DSCAM: variants seen among roughly 807,000 people sequenced by gnomAD.
The protein encoded by DSCAM is cell adhesion molecule DSCAM.
DSCAM carries 47 observed loss-of-function variants against 217.7 expected under a neutral mutation model. The ratio of observed to expected loss-of-function variants is 0.22; its 90% confidence interval spans 0.17 to 0.28. The LOEUF (loss-of-function observed/expected upper bound fraction) is 0.28. Among genes scored for constraint, DSCAM ranks in the 10% least tolerant of loss-of-function variants. DSCAM has a pLI of 1.00. For synonymous variants in DSCAM, 1,056 were observed against 1,015.3 expected, an observed-to-expected ratio of 1.04 and a Z score of -0.76; for missense variants, 2,080 against 2,618.3, an observed-to-expected ratio of 0.79 and a Z score of 4.49.
chr21:40,293,850 A>G (rs2073923737), intron 10 of DSCAM, among the ~76,000 whole-genome samples: 1 of 152,112 alleles, frequency 6.6e-6, no homozygotes, highest in Non-Finnish European at 1.5e-5. Context: ...CATATTAAGC[A>G]CCATATTTGT....
chr21:40,714,722 C>G (rs1320860979), intron 1 of DSCAM, among the ~76,000 whole-genome samples: 1 of 152,168 alleles, frequency 6.6e-6, no homozygotes, highest in Non-Finnish European at 1.5e-5. Context: ...AGACTTTGGA[C>G]TTTCAAACTG....
chr21:40,778,401 G>A (rs1210147357), intron 1 of DSCAM, among the ~76,000 whole-genome samples: 4 of 152,120 alleles, frequency 2.6e-5, no homozygotes, highest in South Asian at 2.1e-4. Context: ...CCCAGCCACC[G>A]TGCCTGGCCC....
chr21:40,276,381 A>G (rs1203797487), intron 10 of DSCAM, 111 bp from the exon 11 acceptor site: 6 of 931,180 alleles, frequency 6.4e-6, no homozygotes, highest in Non-Finnish European at 8.8e-6. Flanking sequence ...CTGATCCCAT[A>G]AGGCAGTCAC....
At chr21:40,640,589 T>TG (rs933099395) in intron 3 of DSCAM, among the ~76,000 whole-genome samples, 3 of 152,180 alleles carry the variant, frequency 2.0e-5, no homozygotes, top group Non-Finnish European at 4.4e-5. Flanking sequence ...CGATGACTGA[T>TG]GTGTGTATAA....
chr21:40,461,407 C>T (rs1241025392), intron 3 of DSCAM, among the ~76,000 whole-genome samples: 2 of 152,172 alleles, frequency 1.3e-5, no homozygotes, highest in Admixed American at 6.5e-5. Flanking sequence ...CAGTAGGTAG[C>T]CCTGCCACAA....
At chr21:40,273,640 TTC>T (rs2073648703) in intron 11 of DSCAM, among the ~76,000 whole-genome samples, 1 of 152,190 alleles carries the variant, frequency 6.6e-6, no homozygotes, top group Admixed American at 6.5e-5. Context: ...GTTCCGTAGT[TTC>T]TTAGTCAACT....
At chr21:40,728,155 T>C (rs1324303849) in intron 1 of DSCAM, among the ~76,000 whole-genome samples, 1 of 152,158 alleles carries the variant, frequency 6.6e-6, no homozygotes, top group African/African-American at 2.4e-5. Context: ...GTGCACTCGA[T>C]CATTTACCTA....
chr21:40,228,467 A>AG (rs2091352932), intron 11 of DSCAM, among the ~76,000 whole-genome samples: 2 of 152,166 alleles, frequency 1.3e-5, no homozygotes, highest in Non-Finnish European at 2.9e-5. Flanking sequence ...TACACTTATC[A>AG]GGGTGTATTT....
chr21:40,420,171 T>C (rs1327753062), intron 3 of DSCAM, among the ~76,000 whole-genome samples: 2 of 152,136 alleles, frequency 1.3e-5, no homozygotes, highest in Admixed American at 6.6e-5. Context: ...ATAATCACAA[T>C]GTAACACTGG....
chr21:40,128,494 G>T (rs2090119529), intron 19 of DSCAM, among the ~76,000 whole-genome samples: 1 of 151,964 alleles, frequency 6.6e-6, no homozygotes, highest in South Asian at 2.1e-4. Context: ...TAATGAAAAG[G>T]AAAGTTTCCT....
At chr21:40,506,061 C>CT (rs1206519659) in intron 3 of DSCAM, among the ~76,000 whole-genome samples, 1 of 152,156 alleles carries the variant, frequency 6.6e-6, no homozygotes, top group Non-Finnish European at 1.5e-5. Flanking sequence ...CTGACTTGTG[C>CT]TTTTTTCCAG....
At chr21:40,809,766 A>T (rs1480933567) in intron 1 of DSCAM, among the ~76,000 whole-genome samples, 1 of 152,208 alleles carries the variant, frequency 6.6e-6, no homozygotes, top group Non-Finnish European at 1.5e-5. Flanking sequence ...TCTAGTGGGC[A>T]GGTGCATTTC....
At chr21:40,213,947 A>G (rs1404762341) in intron 11 of DSCAM, among the ~76,000 whole-genome samples, 1 of 152,236 alleles carries the variant, frequency 6.6e-6, no homozygotes, top group South Asian at 2.1e-4. Context: ...TGGCCCAGCC[A>G]TTTGGAGTCC....
intron 11 of DSCAM, among the ~76,000 whole-genome samples, chr21:40,199,270 A>T (rs2091046617): frequency 6.6e-6 from 1 of 152,156 alleles, no homozygotes; most frequent in Non-Finnish European, 1.5e-5. Flanking sequence ...CCATAAAAAC[A>T]CCCACAGTAT....
intron 3 of DSCAM, among the ~76,000 whole-genome samples, chr21:40,671,934 A>C (rs1163500607): frequency 6.6e-6 from 1 of 152,162 alleles, no homozygotes; most frequent in Non-Finnish European, 1.5e-5. Context: ...CTTAGACAAC[A>C]GAAAGTTATA....
intron 3 of DSCAM, among the ~76,000 whole-genome samples, chr21:40,625,466 T>C (rs890598705): frequency 3.9e-5 from 6 of 152,112 alleles, no homozygotes; most frequent in African/African-American, 1.4e-4. Flanking sequence ...AGATTCTATG[T>C]TTCTCATCTC....
chr21:40,066,175 A>G (rs2089203749), intron 27 of DSCAM, among the ~76,000 whole-genome samples: 1 of 151,986 alleles, frequency 6.6e-6, no homozygotes, highest in Admixed American at 6.6e-5. Context: ...TACTGTGCCC[A>G]CCTGTTTTCG....
At position 40,336,373 on chromosome 21, in the gene DSCAM, T is replaced by C. The variant is rs555437946; in HGVS notation, c.1783+1728A>G. Among the ~76,000 whole-genome samples, 12 of 152,350 alleles carry C rather than the reference T, an allele frequency of 7.9e-5. No individual in the cohort carries two copies. The South Asian group carries it at 1.7e-3, about 21-fold the overall frequency. On this transcript the variant is annotated intron_variant, in intron 8 of 32. Coordinates refer to ENST00000400454, the MANE Select transcript of DSCAM (RefSeq NM_001389.5). ...TAAAATTGAATCTTTCAAGAAAGAA[T>C]AGAATTTTAGAAAACTTGCATCCAT...
At chr21:40,765,742 A>G (rs1240417443) in intron 1 of DSCAM, among the ~76,000 whole-genome samples, 1 of 152,208 alleles carries the variant, frequency 6.6e-6, no homozygotes, top group Non-Finnish European at 1.5e-5. Flanking sequence ...TGAGGCCACC[A>G]ACAGAATGGT....
Sources: gnomAD v4.1 joint callset for allele counts (sites outside exome capture counted in the v4.1 genomes callset) on GRCh38, gnomAD v4.1.1 for gene constraint, MANE v1.5 for transcripts, NCBI Gene and HGNC (gene_info 2026-07-23, HGNC 2026-07-21) for gene names.